Variants in NOL4 observed in about 807,000 individuals in gnomAD.
The protein encoded by NOL4 is nucleolar protein 4.
A neutral mutation model predicts 75.9 loss-of-function variants in NOL4; 17 were observed. The ratio of observed to expected loss-of-function variants is 0.22; its 90% CI spans 0.15 to 0.34. The LOEUF is 0.34. Among genes scored for constraint, NOL4 ranks in the 10% least tolerant of loss-of-function variants. NOL4 has a pLI of 1.00. For missense variants in NOL4, 614 were observed against 793.5 expected, an observed-to-expected ratio of 0.77 and a Z score of 2.72; for synonymous variants, 292 against 289.9, an observed-to-expected ratio of 1.01 and a Z score of -0.07.
chr18:34,162,566 T>A (rs1302234651), intron 1 of NOL4, among the ~76,000 whole-genome samples: 2 of 152,156 alleles, frequency 1.3e-5, no homozygotes, highest in South Asian at 4.2e-4. Context: ...AATAGACCAA[T>A]AACAGGCTCT....
Position 34,143,218 on chromosome 18 carries a change from T to C in NOL4, c.265-13198A>G, listed in dbSNP as rs79086223. Among the ~76,000 whole-genome samples the C allele has an allele frequency of 2.9e-3, 440 of 152,214 alleles. 9 individuals carry two copies. The East Asian group carries it at 0.035, about 12-fold the overall frequency. Reference sequence around the variant, plus strand: ...GGCTCAACCAATACTACAGTGGTGATTATGAGAGTGTGCTGGTAACTATTT... The same window carrying C: ...GGCTCAACCAATACTACAGTGGTGACTATGAGAGTGTGCTGGTAACTATTT... On this transcript the variant is annotated intron_variant, in intron 1 of 10. Transcript: ENST00000261592.
chr18:34,063,137 A>T (rs1008337651), intron 5 of NOL4, among the ~76,000 whole-genome samples: 6 of 152,142 alleles, frequency 3.9e-5, no homozygotes, highest in Non-Finnish European at 7.4e-5. Flanking sequence ...AAGATGAAAA[A>T]CTGAACCCAA....
chr18:34,118,252 A>G (rs1288572688), intron 2 of NOL4, among the ~76,000 whole-genome samples: 1 of 152,202 alleles, frequency 6.6e-6, no homozygotes, highest in Non-Finnish European at 1.5e-5. Context: ...ACCTAAAAGA[A>G]TTTGCCCTTA....
intron 9 of NOL4, among the ~76,000 whole-genome samples, chr18:33,918,591 G>C (rs1380098595): frequency 6.6e-6 from 1 of 152,126 alleles, no homozygotes; most frequent in Non-Finnish European, 1.5e-5. Flanking sequence ...TGTAAAGGAG[G>C]CAGTGTCTGT....
At chr18:33,885,492 A>G (rs1443673629) in intron 9 of NOL4, among the ~76,000 whole-genome samples, 2 of 152,150 alleles carry the variant, frequency 1.3e-5, no homozygotes, top group Non-Finnish European at 2.9e-5. Context: ...TAATAATCTA[A>G]TTAAAAAATG....
In NOL4 at chr18:34,170,941, C is replaced by T. The variant is rs1014729561; in HGVS notation, c.265-40921G>A. On this transcript the variant is annotated intron_variant, in intron 1 of 10. Transcript: ENST00000261592. The stretch of plus-strand genomic sequence containing the variant: ...TATGCACAGTTCTACCAGTAAACAT[C>T]CAGTTTGCTATAAATAAAATACAGT... 5.3e-5 allele frequency among the ~76,000 whole-genome samples: 8 copies of T among 152,092 alleles called. No individual in the cohort carries two copies. The South Asian group carries it at 1.7e-3, about 32-fold the overall frequency.
chr18:34,076,156 C>T (rs935551755), intron 5 of NOL4, among the ~76,000 whole-genome samples: 2 of 152,140 alleles, frequency 1.3e-5, no homozygotes, highest in African/African-American at 4.8e-5. Context: ...ACGAAAGGTG[C>T]TTCCTCTGGT....
chr18:34,222,956 GCA>G, intron 1 of NOL4, 32 bp downstream of exon 1: 1 of 1,595,930 alleles, frequency 6.3e-7, no homozygotes, highest in Non-Finnish European at 8.5e-7. Context: ...GGCTGCTCCG[GCA>G]GACAAATAAC....
intron 2 of NOL4, chr18:34,121,460 T>A (rs1600660901): frequency 6.6e-6 from 1 of 152,324 alleles, no homozygotes; most frequent in East Asian, 1.9e-4. Flanking sequence ...AAGCATTTCT[T>A]TTTGAACACA....
intron 5 of NOL4, among the ~76,000 whole-genome samples, chr18:34,089,918 T>C (rs2078428948): frequency 6.6e-6 from 1 of 152,052 alleles, no homozygotes; most frequent in Admixed American, 6.6e-5. Flanking sequence ...CCATGCCTTT[T>C]TTTTTCTTAC....
At chr18:34,113,612 G>A (rs930468385) in intron 2 of NOL4, among the ~76,000 whole-genome samples, 2 of 151,572 alleles carry the variant, frequency 1.3e-5, no homozygotes, top group African/African-American at 4.9e-5. Context: ...ACTCCAGCCT[G>A]GGTAGCAGGG....
intron 8 of NOL4, among the ~76,000 whole-genome samples, chr18:33,945,985 G>C (rs972709564): frequency 6.6e-6 from 1 of 151,530 alleles, no homozygotes; most frequent in Non-Finnish European, 1.5e-5. Flanking sequence ...AAATTCTGTT[G>C]TATATTTAGT....
At position 34,223,587 on chromosome 18, in the gene NOL4, A is replaced by C; in HGVS notation, c.-334T>G. ...CTGGCCCAGAGGAGCTGGGTTTTCA[A>C]TAATTAAAATCCCATTCCTTGGTTT... On this transcript the variant is annotated 5_prime_UTR_variant, in exon 1 of 11. Transcript: ENST00000261592. 3.3e-6 allele frequency: 1 copy of C among 298,968 alleles called. No homozygotes were observed. Among genetic ancestry groups the C allele is most frequent in the Non-Finnish European group, 6.2e-6 (1 of 162,170 alleles). The allele number at this position is 298,968 out of a possible 1,614,324, so 18.5% of individuals were successfully genotyped here. A position where few individuals can be genotyped will look rare whatever the true frequency, so the allele number is the denominator to read the frequency against.
intron 4 of NOL4, among the ~76,000 whole-genome samples, chr18:34,096,552 A>T (rs1399321600): frequency 6.6e-6 from 1 of 152,148 alleles, no homozygotes; most frequent in African/African-American, 2.4e-5. Context: ...AGAAAACTTG[A>T]CTGATCTGAT....
intron 9 of NOL4, among the ~76,000 whole-genome samples, chr18:33,935,442 G>A (rs1165124990): frequency 6.6e-6 from 1 of 152,082 alleles, no homozygotes; most frequent in East Asian, 1.9e-4. Context: ...GAGACAGGGT[G>A]ATGGCTGGTG....
chr18:33,985,433 A>G (rs2072353943), intron 6 of NOL4, among the ~76,000 whole-genome samples: 1 of 152,100 alleles, frequency 6.6e-6, no homozygotes, highest in Non-Finnish European at 1.5e-5. Context: ...AGTATTTCAC[A>G]TTTTGTTTGT....
chr18:34,219,584 A>G (rs772695889), intron 1 of NOL4, among the ~76,000 whole-genome samples: 63 of 152,284 alleles, frequency 4.1e-4, no homozygotes, highest in Non-Finnish European at 2.5e-4. Flanking sequence ...TGTAAAACAG[A>G]GTTACCATAG....
chr18:33,855,064 C>A (rs993878989), intron 10 of NOL4, among the ~76,000 whole-genome samples: 1 of 152,014 alleles, frequency 6.6e-6, no homozygotes, highest in African/African-American at 2.4e-5. Flanking sequence ...AGAAAGTTGA[C>A]ATCATTATCT....
chr18:33,950,686 G>T (rs911284622), intron 8 of NOL4, among the ~76,000 whole-genome samples: 14 of 152,064 alleles, frequency 9.2e-5, no homozygotes, highest in Non-Finnish European at 1.8e-4. Flanking sequence ...AACTACAAAA[G>T]ATGTACCACA....
Sources: allele counts gnomAD v4.1 joint callset (sites outside exome capture counted in the v4.1 genomes callset), GRCh38; gene constraint gnomAD v4.1.1; transcripts MANE v1.5; gene names NCBI Gene and HGNC (gene_info 2026-07-23, HGNC 2026-07-21).